Variants in B3GALT1 observed in about 807,000 individuals in gnomAD.
B3GALT1 encodes UDP-Gal:betaGlcNAc beta 1,3-galactosyltransferase, polypeptide 1.
In B3GALT1, 10 loss-of-function variants were observed where a neutral mutation model predicts 23.2. The ratio of observed to expected loss-of-function variants is 0.43; its 90% CI spans 0.27 to 0.73. The LOEUF (loss-of-function observed/expected upper bound fraction) is 0.73. B3GALT1 is among the 30% of genes least tolerant of loss of function. The pLI is 0.21. For missense variants in B3GALT1, 299 were observed against 405.4 expected (o/e 0.74, Z 2.25); for synonymous variants, 156 against 141.5 (o/e 1.10, Z -0.73).
In B3GALT1 at chr2:167,569,442, A is replaced by C. The variant is rs149491624; in HGVS notation, c.-409-77467A>C. On this transcript the variant is annotated intron_variant, in intron 2 of 4. Transcript: ENST00000392690. ...TTAAATATTTGTACCCAAGTATTTC[A>C]TTTTTGGTGGTGCTAATTTAACTGG... Among the ~76,000 whole-genome samples the C allele has an allele frequency of 2.8e-3, 419 of 151,874 alleles. 4 individuals carry two copies. The highest frequency in any genetic ancestry group is 0.024 in the Middle Eastern group (7 of 294).
chr2:167,306,581 C>T (rs1173450763), intron 1 of B3GALT1, among the ~76,000 whole-genome samples: 1 of 151,906 alleles, frequency 6.6e-6, no homozygotes, highest in Non-Finnish European at 1.5e-5. Flanking sequence ...TCTCACTATT[C>T]AGTAGTGTGA....
At chr2:167,436,344 C>T (rs1276316981) in intron 1 of B3GALT1, among the ~76,000 whole-genome samples, 2 of 152,110 alleles carry the variant, frequency 1.3e-5, no homozygotes, top group African/African-American at 4.8e-5. Context: ...CTGCACCACT[C>T]CCCTCTCTAC....
rs1459381848 is a variant in B3GALT1, at chr2:167,429,281, A to C, written c.-510-60896A>C. Reference sequence around the variant, plus strand: ...GGGTGACAAAGCGAGACTCTGTCTCAAAAAAAAAAAAAAAAAAAATAAGAA... The same window carrying C: ...GGGTGACAAAGCGAGACTCTGTCTCCAAAAAAAAAAAAAAAAAAATAAGAA... On this transcript the variant is annotated intron_variant, in intron 1 of 4. Transcript: ENST00000392690. 0.011 allele frequency among the ~76,000 whole-genome samples: 22 copies of C among 1,972 alleles called. No individual in the cohort carries two copies. The South Asian group carries it at 0.26, about 24-fold the overall frequency. The allele number at this position is 1,972 out of a possible 152,430, so 1.3% of individuals were successfully genotyped here. A position where few individuals can be genotyped will look rare whatever the true frequency, so the allele number is the denominator to read the frequency against.
chr2:167,443,810 T>C (rs377469663), intron 1 of B3GALT1, among the ~76,000 whole-genome samples: 40 of 152,212 alleles, frequency 2.6e-4, no homozygotes, highest in African/African-American at 9.4e-4. Flanking sequence ...ATGTCATCTG[T>C]AAACAGGGAC....
At chr2:167,624,415 T>C (rs925585941) in intron 2 of B3GALT1, among the ~76,000 whole-genome samples, 2 of 152,082 alleles carry the variant, frequency 1.3e-5, no homozygotes, top group Admixed American at 6.6e-5. Flanking sequence ...TAAACACTCA[T>C]AGGAACTTCA....
chr2:167,601,839 A>G (rs564520274), intron 2 of B3GALT1, among the ~76,000 whole-genome samples: 1 of 152,360 alleles, frequency 6.6e-6, no homozygotes, highest in Non-Finnish European at 1.5e-5. Flanking sequence ...TTCAACATAG[A>G]CACACTCAGC....
At chr2:167,422,585 T>G (rs1450886158) in intron 1 of B3GALT1, among the ~76,000 whole-genome samples, 2 of 152,134 alleles carry the variant, frequency 1.3e-5, no homozygotes, top group African/African-American at 4.8e-5. Context: ...GAGAGGCAAT[T>G]CCAAAGAAAC....
intron 2 of B3GALT1, among the ~76,000 whole-genome samples, chr2:167,508,775 T>TAA (rs150612901): frequency 7.6e-5 from 11 of 145,092 alleles, no homozygotes; most frequent in African/African-American, 2.8e-4. Context: ...AAACTTTTCA[T>TAA]AAAAAAAAAA....
intron 3 of B3GALT1, among the ~76,000 whole-genome samples, chr2:167,657,652 G>T (rs973725191): frequency 3.3e-5 from 5 of 152,086 alleles, no homozygotes; most frequent in Non-Finnish European, 2.9e-5. Flanking sequence ...GTAGTATTCT[G>T]TTTAGGTGTC....
intron 1 of B3GALT1, among the ~76,000 whole-genome samples, chr2:167,391,264 G>A (rs955727041): frequency 3.9e-5 from 6 of 152,174 alleles, no homozygotes; most frequent in African/African-American, 1.2e-4. Context: ...TATGTGGCAG[G>A]TTTGATCGTA....
intron 1 of B3GALT1, among the ~76,000 whole-genome samples, chr2:167,445,533 A>G (rs1280126446): frequency 2.6e-5 from 4 of 152,158 alleles, no homozygotes; most frequent in African/African-American, 9.7e-5. Context: ...GACTTGCTTT[A>G]TGAACCTGGA....
At chr2:167,842,348 G>A (rs931737010) in intron 4 of B3GALT1, among the ~76,000 whole-genome samples, 2 of 152,128 alleles carry the variant, frequency 1.3e-5, no homozygotes, top group Non-Finnish European at 2.9e-5. Flanking sequence ...TGTTCAAGCT[G>A]AGCAATGCAT....
At chr2:167,635,038 G>A (rs1685524352) in intron 2 of B3GALT1, among the ~76,000 whole-genome samples, 1 of 152,094 alleles carries the variant, frequency 6.6e-6, no homozygotes, top group African/African-American at 2.4e-5. Context: ...TGCAGGGTTG[G>A]TTCAACATAT....
intron 1 of B3GALT1, among the ~76,000 whole-genome samples, chr2:167,413,390 T>A (rs1698421023): frequency 6.6e-6 from 1 of 152,076 alleles, no homozygotes; most frequent in East Asian, 1.9e-4. Flanking sequence ...GTTGTTAAGT[T>A]ATATTTTCGA....
intron 2 of B3GALT1, among the ~76,000 whole-genome samples, chr2:167,613,408 T>C (rs1330270236): frequency 6.6e-6 from 1 of 151,624 alleles, no homozygotes; most frequent in African/African-American, 2.4e-5. Flanking sequence ...TATGTATTGT[T>C]AAGTCAACAA....
chr2:167,349,230 TGA>T (rs924674250), intron 1 of B3GALT1, among the ~76,000 whole-genome samples: 2 of 152,220 alleles, frequency 1.3e-5, no homozygotes, highest in Admixed American at 6.5e-5. Context: ...AGTAGCGTGA[TGA>T]AATTTCCCAG....
chr2:167,500,447 C>A (rs1699835370), intron 2 of B3GALT1, among the ~76,000 whole-genome samples: 1 of 152,116 alleles, frequency 6.6e-6, no homozygotes, highest in African/African-American at 2.4e-5. Context: ...GTGGGGGTGT[C>A]ATTGAAATGA....
chr2:167,412,744 C>G (rs1280452846), intron 1 of B3GALT1, among the ~76,000 whole-genome samples: 1 of 151,960 alleles, frequency 6.6e-6, no homozygotes, highest in Non-Finnish European at 1.5e-5. Context: ...ATTATAGAGA[C>G]AAAATAAATG....
intron 2 of B3GALT1, among the ~76,000 whole-genome samples, chr2:167,528,267 T>A (rs955188407): frequency 1.8e-4 from 27 of 152,300 alleles, no homozygotes; most frequent in African/African-American, 6.5e-4. Context: ...CAAGAAAATG[T>A]CAGGTTATTT....
Sources: allele counts gnomAD v4.1 joint callset (sites outside exome capture counted in the v4.1 genomes callset), GRCh38; gene constraint gnomAD v4.1.1; transcripts MANE v1.5; gene names NCBI Gene and HGNC (gene_info 2026-07-23, HGNC 2026-07-21).